Variants in WDR25 observed in about 807,000 individuals in gnomAD.
The protein encoded by WDR25 is WD repeat domain 25, also known as WD repeat-containing protein 25.
A neutral mutation model predicts 47.7 loss-of-function variants in WDR25; 35 were observed. The ratio of observed to expected loss-of-function variants is 0.73; its 90% CI spans 0.56 to 0.97. The LOEUF is 0.97. Among genes scored for constraint, WDR25 ranks in the 50% least tolerant of loss-of-function variants. The pLI is 0.00. For synonymous variants in WDR25, 248 were observed against 278.9 expected, an observed-to-expected ratio of 0.89 and a Z score of 1.10; for missense variants, 634 against 704.7, an observed-to-expected ratio of 0.90 and a Z score of 1.14.
intron 4 of WDR25, among the ~76,000 whole-genome samples, chr14:100,495,862 C>T (rs1224733460): frequency 2.0e-5 from 3 of 152,182 alleles, no homozygotes; most frequent in Admixed American, 6.5e-5. Context: ...TTTGTTTCTC[C>T]ATTCTCTAGG....
chr14:100,382,367 C>T (rs1896925306), intron 2 of WDR25, among the ~76,000 whole-genome samples: 2 of 152,060 alleles, frequency 1.3e-5, no homozygotes, highest in Admixed American at 6.6e-5. Context: ...GGCAGAAGGG[C>T]GTGCTTGGCT....
At chr14:100,494,873 C>T (rs1370378642) in intron 4 of WDR25, among the ~76,000 whole-genome samples, 1 of 152,116 alleles carries the variant, frequency 6.6e-6, no homozygotes, top group South Asian at 2.1e-4. Flanking sequence ...GCAGTACAGA[C>T]CTCATTAAGA....
At chr14:100,390,363 G>A (rs1043938189) in intron 2 of WDR25, among the ~76,000 whole-genome samples, 5 of 150,706 alleles carry the variant, frequency 3.3e-5, no homozygotes, top group Non-Finnish European at 5.9e-5. Flanking sequence ...TAGGGAGGGA[G>A]GACCTAAAAA....
At chr14:100,438,598 AGAG>A (rs1898571520) in intron 2 of WDR25, among the ~76,000 whole-genome samples, 1 of 152,208 alleles carries the variant, frequency 6.6e-6, no homozygotes, top group African/African-American at 2.4e-5. Flanking sequence ...GAGCTGAGCC[AGAG>A]GAGGTTTTGC....
rs1022466554 is a variant in WDR25 at position 100,449,340 on chromosome 14, C to T, written c.823-18681C>T. On this transcript the variant is annotated intron_variant, in intron 2 of 6. Coordinates refer to ENST00000402312, the MANE Select transcript of WDR25 (RefSeq NM_001161476.3). This position sits in a 1 kb window ranked among gnomAD's most constrained non-coding sequence, Gnocchi z 4.2. ...GGCCTGTTGGAGCCTGGCTACAGGG[C>T]TGCCCCGGGAGGCCTCCTTTGGGAG... Among the ~76,000 whole-genome samples the T allele has an allele frequency of 2.6e-5, 4 of 152,254 alleles. No homozygotes were observed. Among genetic ancestry groups the T allele is most frequent in the African/African-American group, 9.6e-5 (4 of 41,472 alleles).
chr14:100,460,084 C>G (rs992383078), intron 2 of WDR25, among the ~76,000 whole-genome samples: 14 of 149,738 alleles, frequency 9.3e-5, no homozygotes, highest in Non-Finnish European at 1.9e-4. Context: ...AGCAAGAGAC[C>G]AATATCTCTC....
rs138820474 is a variant in WDR25, at chr14:100,388,846, A to G, written c.822+7100A>G. Among the ~76,000 whole-genome samples the G allele has an allele frequency of 4.9e-3, 748 of 152,364 alleles. 7 individuals are homozygous for G. Among genetic ancestry groups the G allele is most frequent in the African/African-American group, 0.017 (709 of 41,586 alleles). On this transcript the variant is annotated intron_variant, in intron 2 of 6. Coordinates refer to ENST00000402312, the MANE Select transcript of WDR25 (RefSeq NM_001161476.3). ...AAGGGCGGGGCCTTGTGCTCGCCAGAAGCTGACAGGAAGAAAACAGCCGTG... is the reference window on the plus strand; with the variant it reads ...AAGGGCGGGGCCTTGTGCTCGCCAGGAGCTGACAGGAAGAAAACAGCCGTG...
At chr14:100,393,558 G>A (rs146205760) in intron 2 of WDR25, among the ~76,000 whole-genome samples, 188 of 152,298 alleles carry the variant, frequency 1.2e-3, no homozygotes, top group Non-Finnish European at 1.9e-3. Flanking sequence ...AGGTGTATTC[G>A]GGTTTGCTCC....
Position 100,498,109 on chromosome 14 carries a change from C to T in WDR25, c.1101+13985C>T, listed in dbSNP as rs929305238. On this transcript the variant is annotated intron_variant, in intron 4 of 6. Transcript: ENST00000402312. This position sits in a 1 kb window ranked among gnomAD's most constrained non-coding sequence, Gnocchi z 4.2. ...AATTTGTGCCCCAACAAATAGATTC[C>T]CAGTTTCAGGAGTGTGTTGATGGCT... Among the ~76,000 whole-genome samples, 2 of 152,204 alleles carry T rather than the reference C, an allele frequency of 1.3e-5. No individual in the cohort carries two copies. The highest frequency in any genetic ancestry group is 4.8e-5 in the African/African-American group (2 of 41,464).
chr14:100,428,497 C>T lies in WDR25; in HGVS notation c.823-39524C>T, dbSNP rs375266191. On this transcript the variant is annotated intron_variant, in intron 2 of 6. Transcript: ENST00000402312. The surrounding 1 kb of genome is among the most constrained non-coding windows in gnomAD (Gnocchi z 4.3). The stretch of plus-strand genomic sequence containing the variant: ...CTGTGGATGGGGGACAGTGCCTGAG[C>T]GCCGGGGGCTGCACATGGTGCCTGT... Among the ~76,000 whole-genome samples, 103 of 152,272 alleles carry T rather than the reference C, an allele frequency of 6.8e-4. No homozygotes were observed. Among genetic ancestry groups the T allele is most frequent in the South Asian group, 2.7e-3 (13 of 4,816 alleles).
chr14:100,397,062 C>T (rs757680854), intron 2 of WDR25, among the ~76,000 whole-genome samples: 65 of 152,380 alleles, frequency 4.3e-4, no homozygotes, highest in Non-Finnish European at 8.5e-4. Context: ...GGTCTCCCCT[C>T]ATGCCCTTGG....
intron 4 of WDR25, among the ~76,000 whole-genome samples, chr14:100,521,300 A>C (rs1411351105): frequency 6.6e-6 from 1 of 152,116 alleles, no homozygotes; most frequent in African/African-American, 2.4e-5. Context: ...TTACAGAAAA[A>C]CTTTGTAACC....
At chr14:100,528,646 A>G (rs2030310140) in intron 5 of WDR25, among the ~76,000 whole-genome samples, 1 of 152,038 alleles carries the variant, frequency 6.6e-6, no homozygotes, top group South Asian at 2.1e-4. Flanking sequence ...CAGAATCCTT[A>G]GTTATGTCTG....
chr14:100,437,566 G>T lies in WDR25; in HGVS notation c.823-30455G>T, dbSNP rs142841832. ...CTGTGAAGCAGAGACATACCTCTAA[G>T]CAGAGAGTGGTTGTAGGGATTTGGG... On this transcript the variant is annotated intron_variant, in intron 2 of 6. Coordinates refer to ENST00000402312, the MANE Select transcript of WDR25 (RefSeq NM_001161476.3). 3.2e-4 allele frequency among the ~76,000 whole-genome samples: 49 copies of T among 152,294 alleles called. 1 individual carries two copies. In the East Asian group the frequency reaches 7.7e-3, roughly 24 times the overall value.
chr14:100,491,164 A>G (rs1398485696), intron 4 of WDR25, among the ~76,000 whole-genome samples: 5 of 152,174 alleles, frequency 3.3e-5, no homozygotes, highest in Admixed American at 6.5e-5. Context: ...GCCATGGCTC[A>G]TTTCCTCGTG....
chr14:100,377,006 A>G (rs12891492), intron 1 of WDR25, among the ~76,000 whole-genome samples: 23,791 of 152,080 alleles, frequency 0.16, 2,271 homozygotes, highest in Non-Finnish European at 0.22. Flanking sequence ...CTCCTTCCTT[A>G]GACTCTTCTC....
At chr14:100,519,946 A>C (rs1901657584) in intron 4 of WDR25, among the ~76,000 whole-genome samples, 1 of 144,120 alleles carries the variant, frequency 6.9e-6, no homozygotes, top group Non-Finnish European at 1.5e-5. Flanking sequence ...CTATAGTATA[A>C]ATACAGTGTG....
At chr14:100,432,395 G>A (rs1898366670) in intron 2 of WDR25, among the ~76,000 whole-genome samples, 1 of 152,178 alleles carries the variant, frequency 6.6e-6, no homozygotes, top group Non-Finnish European at 1.5e-5. Context: ...TTCCAAAAAT[G>A]TAGCATGCTG....
At chr14:100,491,475 C>T (rs1385903478) in intron 4 of WDR25, among the ~76,000 whole-genome samples, 2 of 152,198 alleles carry the variant, frequency 1.3e-5, no homozygotes, top group African/African-American at 4.8e-5. Context: ...ATTCCTGTCA[C>T]CTAGTGATCA....
Sources: allele counts gnomAD v4.1 joint callset (sites outside exome capture counted in the v4.1 genomes callset), GRCh38; gene constraint gnomAD v4.1.1; non-coding constraint Gnocchi (gnomAD v3.1); transcripts MANE v1.5; gene names NCBI Gene and HGNC (gene_info 2026-07-23, HGNC 2026-07-21).